Variants in MACROD2 observed in about 807,000 individuals in gnomAD.
The protein encoded by MACROD2 is ADP-ribose glycohydrolase MACROD2.
Under a neutral mutation model 70.4 loss-of-function variants are expected in MACROD2, and 36 were observed. The ratio of observed to expected loss-of-function variants is 0.51; its 90% CI spans 0.39 to 0.68. The LOEUF (loss-of-function observed/expected upper bound fraction) is 0.68, where lower values mean the gene tolerates loss of function less well. Among genes scored for constraint, MACROD2 ranks in the 30% least tolerant of loss-of-function variants. The pLI is 0.00. For synonymous variants in MACROD2, 172 were observed against 178.8 expected (o/e 0.96, Z 0.30); for missense variants, 496 against 538.4 (o/e 0.92, Z 0.78).
At chr20:15,566,148 A>G (rs765217183) in intron 8 of MACROD2, among the ~76,000 whole-genome samples, 1 of 152,292 alleles carries the variant, frequency 6.6e-6, no homozygotes, top group Non-Finnish European at 1.5e-5. Context: ...TAATATATGC[A>G]GTTGATATCC....
chr20:15,486,784 A>C (rs2047168552), intron 7 of MACROD2, among the ~76,000 whole-genome samples: 1 of 152,252 alleles, frequency 6.6e-6, no homozygotes, highest in South Asian at 2.1e-4. Context: ...GTATATCCTC[A>C]GAGGGATTTC....
intron 5 of MACROD2, among the ~76,000 whole-genome samples, chr20:15,126,502 C>A (rs1392506815): frequency 6.6e-6 from 1 of 151,800 alleles, no homozygotes; most frequent in Non-Finnish European, 1.5e-5. Context: ...GCATTTTTAT[C>A]AAAATTATTA....
At chr20:16,012,956 T>G (rs1307424353) in intron 15 of MACROD2, among the ~76,000 whole-genome samples, 1 of 152,156 alleles carries the variant, frequency 6.6e-6, no homozygotes, top group Non-Finnish European at 1.5e-5. Context: ...CTGAAGCGGA[T>G]GGATCACGAG....
At chr20:14,754,707 T>C (rs2071917091) in intron 5 of MACROD2, among the ~76,000 whole-genome samples, 1 of 152,038 alleles carries the variant, frequency 6.6e-6, no homozygotes. Context: ...AAATATTTTC[T>C]TTGGTTTATT....
chr20:15,648,358 C>T (rs1246974822), intron 8 of MACROD2, among the ~76,000 whole-genome samples: 3 of 152,186 alleles, frequency 2.0e-5, no homozygotes, highest in Non-Finnish European at 2.9e-5. Context: ...ATACAGGACT[C>T]CACAGGACCT....
At chr20:15,162,382 T>C (rs2076354764) in intron 5 of MACROD2, among the ~76,000 whole-genome samples, 1 of 151,976 alleles carries the variant, frequency 6.6e-6, no homozygotes, top group Admixed American at 6.6e-5. Flanking sequence ...CTGAGATGTT[T>C]GCATAAAGTT....
At chr20:14,989,999 G>A (rs2074887203) in intron 5 of MACROD2, among the ~76,000 whole-genome samples, 1 of 152,082 alleles carries the variant, frequency 6.6e-6, no homozygotes, top group South Asian at 2.1e-4. Context: ...GGATCTTGAT[G>A]AGCTGTGGTT....
chr20:14,714,950 AAATATAATAT>A (rs1034723028), intron 5 of MACROD2, among the ~76,000 whole-genome samples: 1 of 152,216 alleles, frequency 6.6e-6, no homozygotes, highest in Non-Finnish European at 1.5e-5. Context: ...GACTCTCAAT[AAATATAATAT>A]AGTGGAAACA....
intron 6 of MACROD2, among the ~76,000 whole-genome samples, chr20:15,300,583 G>A (rs750124025): frequency 7.9e-5 from 12 of 152,184 alleles, no homozygotes; most frequent in Non-Finnish European, 1.3e-4. Context: ...CTAGCTAGGT[G>A]ATTCATGTGC....
intron 5 of MACROD2, among the ~76,000 whole-genome samples, chr20:14,853,972 G>A (rs2073226593): frequency 6.6e-6 from 1 of 152,112 alleles, no homozygotes; most frequent in African/African-American, 2.4e-5. Flanking sequence ...TGTATTTTGT[G>A]TCTGTTAAGG....
chr20:14,963,333 A>G (rs910960860), intron 5 of MACROD2, among the ~76,000 whole-genome samples: 3 of 151,870 alleles, frequency 2.0e-5, no homozygotes, highest in Non-Finnish European at 4.4e-5. Context: ...CTTCCCTCAC[A>G]CCTCCTCCCA....
intron 8 of MACROD2, among the ~76,000 whole-genome samples, chr20:15,828,153 G>T (rs1405204173): frequency 6.6e-6 from 1 of 152,108 alleles, no homozygotes; most frequent in Non-Finnish European, 1.5e-5. Context: ...AAATGATAAG[G>T]ATATGAGGTG....
At chr20:15,645,743 G>C (rs1350355831) in intron 8 of MACROD2, among the ~76,000 whole-genome samples, 1 of 152,142 alleles carries the variant, frequency 6.6e-6, no homozygotes, top group African/African-American at 2.4e-5. Context: ...ATACAGCAAG[G>C]CTGTGTAAAT....
intron 6 of MACROD2, among the ~76,000 whole-genome samples, chr20:15,248,349 CCT>C (rs1447322838): frequency 6.6e-6 from 1 of 152,156 alleles, no homozygotes; most frequent in Non-Finnish European, 1.5e-5. Context: ...AGGATGCTTG[CCT>C]CTCAGCTTCC....
chr20:14,276,975 C>G (rs2082264178), intron 3 of MACROD2, among the ~76,000 whole-genome samples: 2 of 152,138 alleles, frequency 1.3e-5, no homozygotes, highest in Non-Finnish European at 2.9e-5. Context: ...AATTGAGTCT[C>G]CAAGACACAT....
chr20:15,432,259 T>A (rs1600403259), intron 7 of MACROD2, among the ~76,000 whole-genome samples: 1 of 152,268 alleles, frequency 6.6e-6, no homozygotes, highest in South Asian at 2.1e-4. Context: ...CCTAGATTGA[T>A]GTCAAAGGTA....
chr20:15,099,237 A>G (rs1020481486), intron 5 of MACROD2, among the ~76,000 whole-genome samples: 1 of 152,200 alleles, frequency 6.6e-6, no homozygotes, highest in Admixed American at 6.5e-5. Context: ...CAGCATTCAT[A>G]TATTGAAGCC....
At chr20:15,475,027 A>AT (rs1171717145) in intron 7 of MACROD2, among the ~76,000 whole-genome samples, 2 of 152,140 alleles carry the variant, frequency 1.3e-5, no homozygotes, top group African/African-American at 4.8e-5. Context: ...AAAAAAAATA[A>AT]ATAACAATAC....
chr20:15,480,046 G>A lies in MACROD2; in HGVS notation c.572-19728G>A, dbSNP rs181182217. On this transcript the variant is annotated intron_variant, in intron 7 of 17. Coordinates refer to ENST00000684519, the MANE Select transcript of MACROD2 (RefSeq NM_001351661.2). ...AGAACCTAATGGAGATTTTAGTGTAGAGAAGAATGTGATTAAGCCACAGTA... is the reference window on the plus strand; with the variant it reads ...AGAACCTAATGGAGATTTTAGTGTAAAGAAGAATGTGATTAAGCCACAGTA... 1.2e-4 allele frequency among the ~76,000 whole-genome samples: 19 copies of A among 152,308 alleles called. No homozygotes were observed. In the East Asian group the frequency reaches 3.1e-3, roughly 25 times the overall value.
Sources: allele counts gnomAD v4.1 joint callset (sites outside exome capture counted in the v4.1 genomes callset), GRCh38; gene constraint gnomAD v4.1.1; transcripts MANE v1.5; gene names NCBI Gene and HGNC (gene_info 2026-07-23, HGNC 2026-07-21).